The following CD99 variants were observed in gnomAD, a reference collection of about 807,000 sequenced individuals.
CD99 encodes the protein CD99 antigen.
A neutral mutation model predicts 28.4 loss-of-function variants in CD99; 19 were observed. That is an observed-to-expected ratio of 0.67 (90% confidence interval 0.47 to 0.98). CD99 has a LOEUF of 0.98. Among genes scored for constraint, CD99 ranks in the 50% least tolerant of loss-of-function variants. CD99 has a pLI of 0.00. For synonymous variants in CD99, 103 were observed against 92.1 expected (o/e 1.12, Z -0.67); for missense variants, 283 against 248.8 (o/e 1.14, Z -0.92).
chrX:2,722,981 T>C lies in CD99; in HGVS notation c.310+307T>C, dbSNP rs1200053891. Among the ~76,000 whole-genome samples the C allele has an allele frequency of 3.3e-5, 5 of 152,336 alleles. No individual in the cohort carries two copies. In the South Asian group the frequency reaches 1.0e-3, roughly 32 times the overall value. ...CCTCACCCATCCGTTCACCTGTGTG[T>C]TCTTGCAAATAACTAGTGTTGTTTC... On this transcript the variant is annotated intron_variant, in intron 6 of 9. Transcript: ENST00000381192.
chrX:2,695,614 G>A (rs1256384137), intron 1 of CD99, among the ~76,000 whole-genome samples: 1 of 149,968 alleles, frequency 6.7e-6, no homozygotes, highest in Admixed American at 6.7e-5. Flanking sequence ...GTCTTGCTAT[G>A]TTGCCCAGAC....
Position 2,711,414 on chromosome X carries a change from A to T in CD99, c.68-3008A>T, listed in dbSNP as rs529423224. On this transcript the variant is annotated intron_variant, in intron 1 of 9. Transcript: ENST00000381192. Reference sequence around the variant, plus strand: ...TGTATATATAGTATGTGTGTGTATTATATATATATATAGTATGTGTATGTG... The same window carrying T: ...TGTATATATAGTATGTGTGTGTATTTTATATATATATAGTATGTGTATGTG... Among the ~76,000 whole-genome samples the T allele has an allele frequency of 4.6e-4, 66 of 142,312 alleles. 2 individuals are homozygous for T. In the South Asian group the frequency reaches 0.013, roughly 29 times the overall value. The allele number at this position is 142,312 out of a possible 152,430, so 93.4% of individuals were successfully genotyped here. A position where few individuals can be genotyped will look rare whatever the true frequency, so the allele number is the denominator to read the frequency against.
chrX:2,703,605 AGT>A (rs556444956), intron 1 of CD99, among the ~76,000 whole-genome samples: 12,952 of 138,056 alleles, frequency 0.094, 585 homozygotes, highest in South Asian at 0.11. Flanking sequence ...CGAGCTGTTA[AGT>A]GTGTGTGTGT....
chrX:2,735,947 A>G (rs1465070715), intron 8 of CD99, among the ~76,000 whole-genome samples: 5 of 152,118 alleles, frequency 3.3e-5, no homozygotes, highest in African/African-American at 1.2e-4. Flanking sequence ...TCACACCTGT[A>G]ATCCCAGCAT....
intron 9 of CD99, among the ~76,000 whole-genome samples, chrX:2,739,349 C>T (rs959457544): frequency 4.6e-5 from 7 of 152,098 alleles, no homozygotes; most frequent in African/African-American, 1.7e-4. Context: ...TTTGTTTGTG[C>T]ATACATTGGA....
chrX:2,699,462 C>G (rs1191599660), intron 1 of CD99, among the ~76,000 whole-genome samples: 1 of 148,860 alleles, frequency 6.7e-6, no homozygotes, highest in Non-Finnish European at 1.5e-5. Flanking sequence ...GCCACCGCGC[C>G]CAGCCTTTTT....
intron 9 of CD99, among the ~76,000 whole-genome samples, chrX:2,740,213 C>G (rs1218081591): frequency 3.3e-5 from 5 of 152,194 alleles, no homozygotes; most frequent in Non-Finnish European, 7.3e-5. Context: ...CTTCTGCCCA[C>G]TGCAATGAAG....
In CD99 at chrX:2,740,826, C is replaced by G; in HGVS notation, c.*22C>G. 1 of 1,613,782 alleles carries G rather than the reference C, an allele frequency of 6.2e-7. No individual in the cohort carries two copies. Among genetic ancestry groups the G allele is most frequent in the African/African-American group, 1.3e-5 (1 of 75,006 alleles). Reference sequence around the variant, plus strand: ...ATAGAAGATTGTCGGCAGAAACAGCCCAGGCGTTGGCAGCAGGGTTAGAAC... The same window carrying G: ...ATAGAAGATTGTCGGCAGAAACAGCGCAGGCGTTGGCAGCAGGGTTAGAAC... On this transcript the variant is annotated 3_prime_UTR_variant, in exon 10 of 10. Coordinates refer to ENST00000381192, the MANE Select transcript of CD99 (RefSeq NM_002414.5).
At chrX:2,719,336 G>T in intron 3 of CD99, 1 of 333,340 alleles carries the variant, frequency 3.0e-6, no homozygotes, top group African/African-American at 2.1e-5. Flanking sequence ...GGCAGAATTG[G>T]AATTTCAACT....
At chrX:2,708,747 G>A (rs756009063) in intron 1 of CD99, among the ~76,000 whole-genome samples, 2 of 152,176 alleles carry the variant, frequency 1.3e-5, no homozygotes, top group African/African-American at 2.4e-5. Context: ...CAGACTTGTT[G>A]TCTTGGACCT....
At chrX:2,720,241 C>T (rs1356201244) in intron 4 of CD99, 115 bp from the exon 5 acceptor site, 27 of 882,842 alleles carry the variant, frequency 3.1e-5, no homozygotes, top group East Asian at 1.9e-4. Context: ...GTATCCCCAC[C>T]AGGACAAAGG....
At chrX:2,719,403 A>C (rs2048890820) in intron 3 of CD99, 1 of 480,142 alleles carries the variant, frequency 2.1e-6, no homozygotes. Flanking sequence ...CTCTCTCCCC[A>C]CTGCCTCTCC....
At chrX:2,703,717 A>C (rs1320153103) in intron 1 of CD99, among the ~76,000 whole-genome samples, 1 of 149,774 alleles carries the variant, frequency 6.7e-6, no homozygotes, top group African/African-American at 2.5e-5. Flanking sequence ...GGACCGGCGG[A>C]GGGGTTATTT....
At chrX:2,721,169 G>T (rs751095395) in intron 5 of CD99, among the ~76,000 whole-genome samples, 71 of 151,880 alleles carry the variant, frequency 4.7e-4, no homozygotes, top group African/African-American at 1.7e-3. Context: ...GTTGTCGAAA[G>T]TTTATATGTT....
chrX:2,691,918 G>C (rs765974333), intron 1 of CD99: 1 of 779,262 alleles, frequency 1.3e-6, no homozygotes, highest in Admixed American at 1.7e-5. Context: ...GGGGGGAAGG[G>C]AAGGAAAAGT....
chrX:2,716,143 C>T (rs766267022), intron 2 of CD99, among the ~76,000 whole-genome samples: 1 of 152,032 alleles, frequency 6.6e-6, no homozygotes, highest in South Asian at 2.1e-4. Flanking sequence ...CTCTGCCTCC[C>T]GAGTAACTGG....
chrX:2,733,521 A>G (rs913734296), intron 8 of CD99: 32 of 816,340 alleles, frequency 3.9e-5, no homozygotes, highest in South Asian at 1.3e-4. Context: ...TCTCAATCAC[A>G]TGGCGGATTC....
Position 2,719,652 on chromosome X carries a change from C to T in CD99, c.149-9C>T, listed in dbSNP as rs372374054. The T allele has an allele frequency of 5.0e-5, 80 of 1,613,644 alleles. No homozygotes were observed. Among genetic ancestry groups the T allele is most frequent in the South Asian group, 2.2e-5 (2 of 91,072 alleles). On this transcript the variant is annotated splice_polypyrimidine_tract_variant and intron_variant, in intron 3 of 9. Coordinates refer to ENST00000381192, the MANE Select transcript of CD99 (RefSeq NM_002414.5). ...AATTTGGTATTAACTGCTCTTTCCCCTCTTTTAGGGGATGACTTTGACTTA... is the reference window on the plus strand; with the variant it reads ...AATTTGGTATTAACTGCTCTTTCCCTTCTTTTAGGGGATGACTTTGACTTA...
chrX:2,694,960 C>T (rs1260772509), intron 1 of CD99, among the ~76,000 whole-genome samples: 1 of 152,118 alleles, frequency 6.6e-6, no homozygotes, highest in African/African-American at 2.4e-5. Context: ...CAATACTTTT[C>T]CCAATTCAGC....
Sources: allele counts gnomAD v4.1 joint callset (sites outside exome capture counted in the v4.1 genomes callset), GRCh38; gene constraint gnomAD v4.1.1; transcripts MANE v1.5; gene names NCBI Gene and HGNC (gene_info 2026-07-23, HGNC 2026-07-21).